The following SGIP1 variants were observed in gnomAD, a reference collection of about 807,000 sequenced individuals.
SGIP1 encodes SH3-containing GRB2-like protein 3-interacting protein 1.
SGIP1 carries 38 observed loss-of-function variants against 107.5 expected under a neutral mutation model. The observed-to-expected ratio is 0.35, with a 90% CI of 0.27 to 0.46. SGIP1 has a LOEUF of 0.46. Among genes scored for constraint, SGIP1 ranks in the 20% least tolerant of loss-of-function variants. SGIP1 has a pLI of 1.00. For missense variants in SGIP1, 929 were observed against 1,019.5 expected (o/e 0.91, Z 1.21); for synonymous variants, 365 against 366.1 (o/e 1.00, Z 0.03).
chr1:66,565,025 C>G (rs371434710), intron 1 of SGIP1, among the ~76,000 whole-genome samples: 1 of 151,870 alleles, frequency 6.6e-6, no homozygotes, highest in African/African-American at 2.4e-5. Context: ...GTGCCTGGCC[C>G]GAAGTCATAC....
chr1:66,617,922 A>G (rs887409039), intron 1 of SGIP1, among the ~76,000 whole-genome samples: 2 of 152,208 alleles, frequency 1.3e-5, no homozygotes, highest in Non-Finnish European at 2.9e-5. Context: ...TGAAGTCACG[A>G]GGAGCCTGGA....
At chr1:66,616,227 G>C (rs1188755105) in intron 1 of SGIP1, 1 of 152,020 alleles carries the variant, frequency 6.6e-6, no homozygotes, top group Non-Finnish European at 1.5e-5. Context: ...AAAAGCTTGA[G>C]GTTTTGAAAT....
chr1:66,541,393 T>C (rs997860422), intron 1 of SGIP1, among the ~76,000 whole-genome samples: 3 of 152,254 alleles, frequency 2.0e-5, no homozygotes, highest in Non-Finnish European at 4.4e-5. Context: ...TGTGAATGTC[T>C]TGTGACAGTG....
chr1:66,710,347 A>G (rs996424745), intron 18 of SGIP1, among the ~76,000 whole-genome samples: 1 of 152,160 alleles, frequency 6.6e-6, no homozygotes, highest in Non-Finnish European at 1.5e-5. Flanking sequence ...TGTATGTTAC[A>G]TGACACGACT....
chr1:66,674,878 T>C (rs1256087185), intron 12 of SGIP1, among the ~76,000 whole-genome samples: 1 of 152,192 alleles, frequency 6.6e-6, no homozygotes, highest in Non-Finnish European at 1.5e-5. Flanking sequence ...TCTGTTACTA[T>C]AGAAGAACTG....
At chr1:66,578,517 G>A (rs889990000) in intron 1 of SGIP1, among the ~76,000 whole-genome samples, 1 of 152,132 alleles carries the variant, frequency 6.6e-6, no homozygotes, top group African/African-American at 2.4e-5. Flanking sequence ...TACAAGGTAG[G>A]TAAAGCAATT....
At chr1:66,623,479 G>A (rs532502666) in intron 1 of SGIP1, among the ~76,000 whole-genome samples, 1 of 152,272 alleles carries the variant, frequency 6.6e-6, no homozygotes, top group East Asian at 1.9e-4. Context: ...TCAAACTCCT[G>A]ACCTCAAGTG....
At chr1:66,736,144 T>A (rs1277670815) in intron 21 of SGIP1, among the ~76,000 whole-genome samples, 1 of 147,358 alleles carries the variant, frequency 6.8e-6, no homozygotes, top group Admixed American at 6.8e-5. Context: ...ACCTATACAA[T>A]CTATAACATA....
At chr1:66,712,072 G>A (rs1018775300) in intron 18 of SGIP1, among the ~76,000 whole-genome samples, 2 of 152,088 alleles carry the variant, frequency 1.3e-5, no homozygotes, top group Non-Finnish European at 2.9e-5. Context: ...GGTTACTTAA[G>A]CACTCTAGCT....
intron 14 of SGIP1, among the ~76,000 whole-genome samples, chr1:66,680,337 A>G (rs1320207786): frequency 6.6e-6 from 1 of 152,254 alleles, no homozygotes. Flanking sequence ...TTTACCATCT[A>G]TTAAAATCAA....
chr1:66,725,243 A>G (rs1395345056), intron 19 of SGIP1, among the ~76,000 whole-genome samples: 1 of 152,146 alleles, frequency 6.6e-6, no homozygotes, highest in African/African-American at 2.4e-5. Flanking sequence ...TCTGCTCCCA[A>G]TCTCTGCCCC....
chr1:66,547,284 G>A (rs1312704163), intron 1 of SGIP1, among the ~76,000 whole-genome samples: 1 of 151,932 alleles, frequency 6.6e-6, no homozygotes, highest in Admixed American at 6.6e-5. Flanking sequence ...ATTTCAATGG[G>A]GATGGATATA....
At chr1:66,742,061 C>G (rs1328769131) in intron 24 of SGIP1, among the ~76,000 whole-genome samples, 1 of 152,198 alleles carries the variant, frequency 6.6e-6, no homozygotes, top group Admixed American at 6.5e-5. Context: ...GCCACCGCAC[C>G]CAGCCTTGCC....
intron 1 of SGIP1, among the ~76,000 whole-genome samples, chr1:66,561,812 T>G (rs1397873817): frequency 6.6e-6 from 1 of 152,064 alleles, no homozygotes; most frequent in Non-Finnish European, 1.5e-5. Flanking sequence ...AAATGGAATA[T>G]TAAAAGGGGA....
chr1:66,730,793 CA>C (rs1255311060), intron 20 of SGIP1, among the ~76,000 whole-genome samples: 1 of 152,178 alleles, frequency 6.6e-6, no homozygotes, highest in Non-Finnish European at 1.5e-5. Context: ...CCAGACCTGC[CA>C]ATCTCAGAAA....
At chr1:66,601,844 T>G (rs1461680202) in intron 1 of SGIP1, among the ~76,000 whole-genome samples, 2 of 152,352 alleles carry the variant, frequency 1.3e-5, no homozygotes, top group South Asian at 4.1e-4. Context: ...TCCTGACTGA[T>G]TAATGAGTTG....
chr1:66,624,444 T>G (rs1378031279), intron 1 of SGIP1, among the ~76,000 whole-genome samples: 2 of 152,196 alleles, frequency 1.3e-5, no homozygotes, highest in Non-Finnish European at 2.9e-5. Context: ...GAAAATAGTT[T>G]TATATGGGAG....
chr1:66,582,413 C>T (rs1364087246), intron 1 of SGIP1, among the ~76,000 whole-genome samples: 1 of 151,964 alleles, frequency 6.6e-6, no homozygotes, highest in Non-Finnish European at 1.5e-5. Flanking sequence ...CAGGTCAGGT[C>T]TTAGCACCAC....
chr1:66,728,261 T>C (rs189202098), intron 19 of SGIP1, among the ~76,000 whole-genome samples: 5 of 152,284 alleles, frequency 3.3e-5, no homozygotes, highest in African/African-American at 1.2e-4. Flanking sequence ...CAGGAAATAA[T>C]GTGATAACAT....
Sources: gnomAD v4.1 joint callset for allele counts (sites outside exome capture counted in the v4.1 genomes callset) on GRCh38, gnomAD v4.1.1 for gene constraint, MANE v1.5 for transcripts, NCBI Gene and HGNC (gene_info 2026-07-23, HGNC 2026-07-21) for gene names.